BTD: variants seen among roughly 807,000 people sequenced by gnomAD.
BTD encodes biotinidase.
Under a neutral mutation model 17.7 loss-of-function variants are expected in BTD, and 13 were observed. The ratio of observed to expected loss-of-function variants is 0.74; its 90% CI spans 0.48 to 1.17. The LOEUF (loss-of-function observed/expected upper bound fraction) is 1.17. BTD is among the 50% of genes most tolerant of loss of function. The pLI is 0.00. For synonymous variants in BTD, 240 were observed against 245.2 expected (o/e 0.98, Z 0.20); for missense variants, 674 against 650.4 (o/e 1.04, Z -0.39).
At position 15,651,374 on chromosome 3, in the gene BTD, T is replaced by G. The variant is rs1311936214; in HGVS notation, c.*5886T>G. ...GATTGAGGAGATCTTAAGAACAGAG[T>G]GATTTACACAGCTGTGGGCAGGATG... is the stretch of plus-strand genomic sequence containing the variant. On this transcript the variant is annotated 3_prime_UTR_variant, in exon 4 of 4. Coordinates refer to ENST00000643237, the MANE Select transcript of BTD (RefSeq NM_001370658.1). 6.6e-6 allele frequency among the ~76,000 whole-genome samples: 1 copy of G among 151,582 alleles called. No individual in the cohort carries two copies. The highest frequency in any genetic ancestry group is 1.5e-5 in the Non-Finnish European group (1 of 67,890).
At chr3:15,722,507 T>C (rs2073836907), downstream of BTD, among the ~76,000 whole-genome samples, 1 of 152,134 alleles carries the variant, frequency 6.6e-6, no homozygotes, top group African/African-American at 2.4e-5. Flanking sequence ...ACCACAACCA[T>C]GAGTACAAAG....
chr3:15,689,352 A>G (rs1216919322), intron 3 of BTD, among the ~76,000 whole-genome samples: 4 of 152,218 alleles, frequency 2.6e-5, no homozygotes, highest in Non-Finnish European at 5.9e-5. Context: ...GCCTTCAAAG[A>G]GTAACCAGTA....
intron 3 of BTD, among the ~76,000 whole-genome samples, chr3:15,682,777 T>G (rs2067676166): frequency 6.6e-6 from 1 of 152,212 alleles, no homozygotes; most frequent in Non-Finnish European, 1.5e-5. Context: ...AATGCCAAAT[T>G]ATAAAACGGG....
At chr3:15,634,285 C>T (rs2065288384) in intron 1 of BTD, among the ~76,000 whole-genome samples, 1 of 152,140 alleles carries the variant, frequency 6.6e-6, no homozygotes, top group Admixed American at 6.5e-5. Context: ...TAAAGGGCAG[C>T]AATATGATTC....
intron 3 of BTD, chr3:15,678,454 A>G (rs2067188795): frequency 1.8e-6 from 2 of 1,128,546 alleles, no homozygotes. Context: ...AAGGGTTTAC[A>G]TATTAGGCTA....
At chr3:15,714,695 C>T (rs773965026), downstream of BTD, 1 of 1,440,224 alleles carries the variant, frequency 6.9e-7, no homozygotes, top group East Asian at 2.3e-5. Context: ...TCTACTATAT[C>T]CATAATGTGT....
At chr3:15,677,673 A>C in intron 3 of BTD, 1 of 647,128 alleles carries the variant, frequency 1.5e-6, no homozygotes, top group Non-Finnish European at 2.6e-6. Flanking sequence ...CTCTCACAAA[A>C]ACTTAAGTAC....
At chr3:15,686,534 C>T in intron 3 of BTD, 1 of 548,972 alleles carries the variant, frequency 1.8e-6, no homozygotes, top group Non-Finnish European at 3.2e-6. Context: ...AGACCGCCTA[C>T]CCAGCACCCA....
chr3:15,709,928 T>C (rs964071137), intron 3 of BTD, among the ~76,000 whole-genome samples: 2 of 152,218 alleles, frequency 1.3e-5, no homozygotes, highest in Admixed American at 6.5e-5. Flanking sequence ...TACTTACATA[T>C]TGGCACACTG....
At chr3:15,696,208 C>T (rs1421710183) in intron 3 of BTD, 1 of 1,591,588 alleles carries the variant, frequency 6.3e-7, no homozygotes, top group South Asian at 1.1e-5. Flanking sequence ...TCACGGATCC[C>T]TGGATTTGCA....
chr3:15,642,320 G>C lies in BTD; in HGVS notation c.399+263G>C. On this transcript the variant is annotated intron_variant, in intron 3 of 3. Transcript: ENST00000643237. ...AATGTATACTTAAACCAAACCAAAA[G>C]TAAAAAAAGAAAAGTTCATCTTCAC... 2.2e-6 allele frequency: 3 copies of C among 1,353,652 alleles called. No individual in the cohort carries two copies. The South Asian group carries it at 5.0e-5, about 23-fold the overall frequency. The allele number at this position is 1,353,652 out of a possible 1,614,324, so 83.9% of individuals were successfully genotyped here.
At chr3:15,625,783 T>A (rs1342893466) in intron 1 of BTD, among the ~76,000 whole-genome samples, 3 of 152,050 alleles carry the variant, frequency 2.0e-5, no homozygotes, top group Non-Finnish European at 4.4e-5. Context: ...TCTCGATCTC[T>A]TGACCTCGTG....
chr3:15,651,167 G>C lies in BTD; in HGVS notation c.*5679G>C, dbSNP rs1575036486. Among the ~76,000 whole-genome samples the C allele has an allele frequency of 6.6e-6, 1 of 152,240 alleles. No homozygotes were observed. Among genetic ancestry groups the C allele is most frequent in the East Asian group, 1.9e-4 (1 of 5,202 alleles). On this transcript the variant is annotated 3_prime_UTR_variant, in exon 4 of 4. Coordinates refer to ENST00000643237, the MANE Select transcript of BTD (RefSeq NM_001370658.1). ...CTGACCTGAAATTCATGGATTGAGG[G>C]GTGGGGACTGTTTCCCAGGGGAACA...
At chr3:15,612,660 G>A (rs2064669872) in intron 1 of BTD, among the ~76,000 whole-genome samples, 1 of 150,620 alleles carries the variant, frequency 6.6e-6, no homozygotes, top group African/African-American at 2.4e-5. Context: ...TTTTATTTCT[G>A]GTGAGTTTTC....
At chr3:15,627,230 C>G (rs28576968) in intron 1 of BTD, among the ~76,000 whole-genome samples, 4 of 152,052 alleles carry the variant, frequency 2.6e-5, no homozygotes, top group African/African-American at 9.7e-5. Context: ...TCAGAAGCTA[C>G]GGCACCAGGA....
downstream of BTD, chr3:15,714,664 G>T: frequency 6.4e-7 from 1 of 1,573,758 alleles, no homozygotes; most frequent in South Asian, 1.2e-5. Context: ...ACTCTGGGGG[G>T]GGAAGAAAAA....
intron 2 of BTD, among the ~76,000 whole-genome samples, chr3:15,640,302 C>T (rs1423384254): frequency 6.6e-6 from 1 of 152,048 alleles, no homozygotes; most frequent in Non-Finnish European, 1.5e-5. Flanking sequence ...AAGTTGGGAA[C>T]ACTTCAAATT....
chr3:15,669,118 G>A (rs1575052270), intron 3 of BTD: 2 of 152,258 alleles, frequency 1.3e-5, no homozygotes, highest in Admixed American at 1.3e-4. Context: ...AATATGAATA[G>A]GACCTAAGGC....
In BTD at chr3:15,645,120, C is replaced by T. The variant is rs751942955; in HGVS notation, c.1204C>T (p.Leu402Phe). The change falls in exon 4 of 4, where the codon CTC (leucine) becomes TTC (phenylalanine). Residue 402 changes from leucine to phenylalanine, a missense_variant. Leu to Phe is a conservative substitution (Grantham distance 22, BLOSUM62 0). Transcript: ENST00000643237. ...CTATCTCCACGTCTGTTCCAATGGCCTCTGCTGTTATTTACTTTACGAGAG... is the reference window on the plus strand; with the variant it reads ...CTATCTCCACGTCTGTTCCAATGGCTTCTGCTGTTATTTACTTTACGAGAG... ...EGYLHVCSNG[L>F]CCYLLYERPT... 8.1e-6 allele frequency: 13 copies of T among 1,614,172 alleles called. No homozygotes were observed. The highest frequency in any genetic ancestry group is 1.1e-5 in the Non-Finnish European group (13 of 1,180,052).
Sources: gnomAD v4.1 joint callset for allele counts (sites outside exome capture counted in the v4.1 genomes callset) on GRCh38, gnomAD v4.1.1 for gene constraint, MANE v1.5 for transcripts, NCBI Gene and HGNC (gene_info 2026-07-23, HGNC 2026-07-21) for gene names.